Variants in ZNF430 observed in about 807,000 individuals in gnomAD.
ZNF430 encodes zinc finger protein 430.
In ZNF430, 35 loss-of-function variants were observed where a neutral mutation model predicts 56.7. That is an observed-to-expected ratio of 0.62 (90% CI 0.47 to 0.82). The LOEUF is 0.82. Ranked by LOEUF, ZNF430 falls within the 40% of genes least tolerant of loss-of-function variation. ZNF430 has a pLI of 0.00. For missense variants in ZNF430, 574 were observed against 661.0 expected, an observed-to-expected ratio of 0.87 and a Z score of 1.44; for synonymous variants, 212 against 224.3, an observed-to-expected ratio of 0.94 and a Z score of 0.49.
intron 4 of ZNF430, among the ~76,000 whole-genome samples, chr19:21,037,895 C>T (rs1315496283): frequency 1.3e-5 from 2 of 151,760 alleles, no homozygotes; most frequent in Non-Finnish European, 2.9e-5. Flanking sequence ...AAATTTAGTT[C>T]AATTGTTAAT....
intron 4 of ZNF430, among the ~76,000 whole-genome samples, chr19:21,038,894 T>C (rs1968050618): frequency 6.6e-6 from 1 of 152,206 alleles, no homozygotes; most frequent in Non-Finnish European, 1.5e-5. Flanking sequence ...CACTGTAGGT[T>C]GTATTGACAA....
At position 21,046,375 on chromosome 19, in the gene ZNF430, T is replaced by C. The variant is rs933510436; in HGVS notation, c.323-10256T>C. On this transcript the variant is annotated intron_variant, in intron 4 of 4. Coordinates refer to ENST00000261560, the MANE Select transcript of ZNF430 (RefSeq NM_025189.4). Reference sequence around the variant, plus strand: ...ATTGCTATGTGTGAATTTGATTATGTTTTCATGGTGCTATCTGGTTATTTT... The same window carrying C: ...ATTGCTATGTGTGAATTTGATTATGCTTTCATGGTGCTATCTGGTTATTTT... Among the ~76,000 whole-genome samples, 4 of 152,002 alleles carry C rather than the reference T, an allele frequency of 2.6e-5. No individual in the cohort carries two copies. In the South Asian group the frequency reaches 8.3e-4, roughly 32 times the overall value.
At chr19:21,055,438 T>A (rs1421449651) in intron 4 of ZNF430, among the ~76,000 whole-genome samples, 1 of 150,128 alleles carries the variant, frequency 6.7e-6, no homozygotes, top group African/African-American at 2.4e-5. Flanking sequence ...TTTTTAGTTT[T>A]TTTTTTTGTT....
chr19:21,042,721 G>C (rs1968126914), intron 4 of ZNF430, among the ~76,000 whole-genome samples: 1 of 151,864 alleles, frequency 6.6e-6, no homozygotes, highest in South Asian at 2.1e-4. Context: ...CTGGGAGGCA[G>C]AGCTTGCAGT....
In ZNF430 at chr19:21,058,866, C is replaced by T. The variant is rs1277339975; in HGVS notation, c.*845C>T. The T allele has an allele frequency of 2.0e-5, 3 of 151,940 alleles. No individual in the cohort carries two copies. Among genetic ancestry groups the T allele is most frequent in the South Asian group, 2.1e-4 (1 of 4,830 alleles). The allele number at this position is 151,940 out of a possible 1,614,324, so 9.4% of individuals were successfully genotyped here. ...TTTCAGAAAATATAAACCTTTAAAG[C>T]GAAGAAGGTATTTATTTTGAAGATG... On this transcript the variant is annotated 3_prime_UTR_variant, in exon 5 of 5. Transcript: ENST00000261560.
At chr19:21,056,065 TTC>T (rs1328235928) in intron 4 of ZNF430, among the ~76,000 whole-genome samples, 1 of 152,232 alleles carries the variant, frequency 6.6e-6, no homozygotes, top group African/African-American at 2.4e-5. Context: ...TTTCTTTTTC[TTC>T]TGTGTCACTC....
At chr19:21,046,889 G>C (rs796507839) in intron 4 of ZNF430, among the ~76,000 whole-genome samples, 1 of 152,056 alleles carries the variant, frequency 6.6e-6, no homozygotes, top group Admixed American at 6.6e-5. Context: ...TTTCTTGTTA[G>C]GTTGGAAAAG....
At chr19:21,043,658 G>A (rs1039097642) in intron 4 of ZNF430, among the ~76,000 whole-genome samples, 1 of 152,114 alleles carries the variant, frequency 6.6e-6, no homozygotes, top group African/African-American at 2.4e-5. Context: ...TGTGAAAGAT[G>A]TCAGTAATAG....
chr19:21,040,332 C>G (rs888855140), intron 4 of ZNF430, among the ~76,000 whole-genome samples: 2 of 152,166 alleles, frequency 1.3e-5, no homozygotes, highest in African/African-American at 2.4e-5. Flanking sequence ...GGATGTGGAA[C>G]CTGGTAGGAG....
At chr19:21,022,028 G>A (rs1053362084) in intron 1 of ZNF430, among the ~76,000 whole-genome samples, 1 of 151,926 alleles carries the variant, frequency 6.6e-6, no homozygotes, top group African/African-American at 2.4e-5. Flanking sequence ...AGTAGAGACG[G>A]GGTTTCACCA....
chr19:21,058,194 C>A lies in ZNF430; in HGVS notation c.*173C>A. 1 of 638,122 alleles carries A rather than the reference C, an allele frequency of 1.6e-6. No homozygotes were observed. The highest frequency in any genetic ancestry group is 2.6e-6 in the Non-Finnish European group (1 of 379,982). 39.5% of individuals were successfully genotyped at this position (638,122 alleles called of 1,614,324 possible). Reference sequence around the variant, plus strand: ...GTGCGGTGGCTCACACCTGTAATCCCAGCACTTTGGGAGGCTGAGACGGGT... The same window carrying A: ...GTGCGGTGGCTCACACCTGTAATCCAAGCACTTTGGGAGGCTGAGACGGGT... On this transcript the variant is annotated 3_prime_UTR_variant, in exon 5 of 5. Transcript: ENST00000261560.
chr19:21,025,082 A>G (rs558291536), intron 2 of ZNF430, among the ~76,000 whole-genome samples: 4 of 152,318 alleles, frequency 2.6e-5, no homozygotes, highest in African/African-American at 4.8e-5. Flanking sequence ...CGCTCAAGAA[A>G]GAATTCAGGG....
intron 4 of ZNF430, among the ~76,000 whole-genome samples, chr19:21,045,048 A>G (rs935926526): frequency 1.3e-5 from 2 of 151,826 alleles, no homozygotes; most frequent in East Asian, 3.9e-4. Context: ...TGGTTTTTTG[A>G]AGGGTTTTTT....
rs200253845 is a variant in ZNF430, at chr19:21,034,047, G to A, written c.224-39G>A. 9.4e-5 allele frequency: 144 copies of A among 1,526,186 alleles called. 1 individual carries two copies. In the East Asian group the frequency reaches 2.5e-3, roughly 26 times the overall value. The allele number at this position is 1,526,186 out of a possible 1,614,324, so 94.5% of individuals were successfully genotyped here. A position where few individuals can be genotyped will look rare whatever the true frequency, so the allele number is the denominator to read the frequency against. On this transcript the variant is annotated intron_variant, in intron 3 of 4. Transcript: ENST00000261560. Reference sequence around the variant, plus strand: ...GCACAGTACTAGGTTGGTAACTGAAGAATATGAGAAAGATTCATGTTATTT... The same window carrying A: ...GCACAGTACTAGGTTGGTAACTGAAAAATATGAGAAAGATTCATGTTATTT...
intron 4 of ZNF430, among the ~76,000 whole-genome samples, chr19:21,052,885 T>G (rs1968307272): frequency 6.6e-6 from 1 of 152,152 alleles, no homozygotes; most frequent in South Asian, 2.1e-4. Context: ...ATTGAGTGTC[T>G]GGCATACAGG....
At chr19:21,041,320 G>C (rs954552953) in intron 4 of ZNF430, among the ~76,000 whole-genome samples, 56 of 151,976 alleles carry the variant, frequency 3.7e-4, no homozygotes, top group African/African-American at 1.4e-3. Flanking sequence ...TTTTTGTAGG[G>C]ACAGAATTTT....
In ZNF430 at chr19:21,057,654, T is replaced by G; in HGVS notation, c.1346T>G (p.Ile449Arg). The G allele has an allele frequency of 6.2e-7, 1 of 1,611,488 alleles. No homozygotes were observed. The change falls in exon 5 of 5, where the codon ATA (isoleucine) becomes AGA (arginine). Residue 449 changes from isoleucine (I) to arginine (R), a missense_variant. Transcript: ENST00000261560. ...NESSNLTAHK[I>R]IHTGEKPYKC... Reference sequence around the variant, plus strand: ...TCCTCAAACCTTACTGCACATAAGATAATTCATACTGGAGAGAAACCCTAC... The same window carrying G: ...TCCTCAAACCTTACTGCACATAAGAGAATTCATACTGGAGAGAAACCCTAC...
At position 21,059,403 on chromosome 19, in the gene ZNF430, T is replaced by C. The variant is rs1309111334; in HGVS notation, c.*1382T>C. 1 of 151,882 alleles carries C rather than the reference T, an allele frequency of 6.6e-6. No homozygotes were observed. Among genetic ancestry groups the C allele is most frequent in the Non-Finnish European group, 1.5e-5 (1 of 67,998 alleles). The allele number at this position is 151,882 out of a possible 1,614,324, so 9.4% of individuals were successfully genotyped here. A position where few individuals can be genotyped will look rare whatever the true frequency, so the allele number is the denominator to read the frequency against. On this transcript the variant is annotated 3_prime_UTR_variant, in exon 5 of 5. Coordinates refer to ENST00000261560, the MANE Select transcript of ZNF430 (RefSeq NM_025189.4). ...TACTAAAAATACAAAATTAGCCAGC[T>C]GTGGTGGTGTATGCCTGTAATCACA...
chr19:21,030,259 G>A (rs916140309), intron 2 of ZNF430, among the ~76,000 whole-genome samples: 20 of 152,042 alleles, frequency 1.3e-4, no homozygotes, highest in African/African-American at 4.3e-4. Context: ...TCATCTGCCT[G>A]TATTTAACTT....
Sources: gnomAD v4.1 joint callset for allele counts (sites outside exome capture counted in the v4.1 genomes callset) on GRCh38, gnomAD v4.1.1 for gene constraint, MANE v1.5 for transcripts, NCBI Gene and HGNC (gene_info 2026-07-23, HGNC 2026-07-21) for gene names.